UBXN4: variants seen among roughly 807,000 people sequenced by gnomAD.
UBXN4 encodes the protein UBX domain-containing protein 4.
UBXN4 carries 35 observed loss-of-function variants against 66.2 expected under a neutral mutation model. The observed-to-expected ratio is 0.53, with a 90% CI of 0.40 to 0.70. UBXN4 has a LOEUF of 0.70. Ranked by LOEUF, UBXN4 falls within the 30% of genes least tolerant of loss-of-function variation. UBXN4 has a pLI of 0.00. For synonymous variants in UBXN4, 203 were observed against 204.5 expected (o/e 0.99, Z 0.06); for missense variants, 533 against 599.8 (o/e 0.89, Z 1.16).
At chr2:135,755,282 A>G (rs2077272647) in intron 4 of UBXN4, among the ~76,000 whole-genome samples, 1 of 152,174 alleles carries the variant, frequency 6.6e-6, no homozygotes, top group Non-Finnish European at 1.5e-5. Context: ...TTCTAATTTG[A>G]GGGAAAATCA....
intron 10 of UBXN4, 74 bp from the exon 11 acceptor site, chr2:135,778,870 AAAGC>A: frequency 7.2e-7 from 1 of 1,382,802 alleles, no homozygotes; most frequent in Non-Finnish European, 9.6e-7. Flanking sequence ...AATGTTAATT[AAAGC>A]ATCATTTTGG....
At chr2:135,763,921 T>TC in intron 6 of UBXN4, among the ~76,000 whole-genome samples, 1 of 151,880 alleles carries the variant, frequency 6.6e-6, no homozygotes, top group East Asian at 1.9e-4. Flanking sequence ...GGCCGGGAGT[T>TC]CAAGACCAGC....
chr2:135,750,010 C>T (rs2077232346), intron 2 of UBXN4, among the ~76,000 whole-genome samples: 1 of 152,170 alleles, frequency 6.6e-6, no homozygotes, highest in Admixed American at 6.5e-5. Context: ...AGGTTTGTTT[C>T]CCCTCCCCTC....
chr2:135,756,556 A>G (rs1339722362), intron 5 of UBXN4, among the ~76,000 whole-genome samples: 2 of 152,216 alleles, frequency 1.3e-5, no homozygotes, highest in Non-Finnish European at 2.9e-5. Context: ...GAGGTTTTAC[A>G]TCGGATGGAT....
intron 6 of UBXN4, among the ~76,000 whole-genome samples, chr2:135,764,675 A>G (rs1406393124): frequency 6.6e-6 from 1 of 151,720 alleles, no homozygotes; most frequent in Non-Finnish European, 1.5e-5. Context: ...GCTAATTTTT[A>G]AAATATTTTT....
chr2:135,749,357 A>C (rs6430585), intron 2 of UBXN4, among the ~76,000 whole-genome samples: 112,603 of 152,108 alleles, frequency 0.74, 42,156 homozygotes, highest in Non-Finnish European at 0.79. Flanking sequence ...AGGTTCCTCA[A>C]AGTACCTGAT....
intron 9 of UBXN4, among the ~76,000 whole-genome samples, chr2:135,773,841 T>C (rs551052868): frequency 1.3e-3 from 197 of 152,304 alleles, no homozygotes; most frequent in South Asian, 2.7e-3. Flanking sequence ...ATGTAAGATT[T>C]GTGTGCTAAA....
chr2:135,780,221 C>G lies in UBXN4; in HGVS notation c.1224C>G (p.Ser408Arg). The G allele has an allele frequency of 6.2e-7, 1 of 1,614,056 alleles. No individual in the cohort carries two copies. Among genetic ancestry groups the G allele is most frequent in the South Asian group, 1.1e-5 (1 of 91,078 alleles). Residue 408 changes from serine to arginine, a missense_variant, in exon 12 of 13, where the codon AGC (serine) becomes AGG (arginine). Ser to Arg is a moderately radical substitution (Grantham distance 110). Coordinates refer to ENST00000272638, the MANE Select transcript of UBXN4 (RefSeq NM_014607.4). ...CTGCATCCATTGTACACTCTTCCAG[C>G]GGAGACATTTGGACCTTGTTGGGAA... ...RPTASIVHSS[S>R]GDIWTLLGTV...
rs1427704117 is a variant in UBXN4 at position 135,783,262 on chromosome 2, CTGAG to C, written c.*377_*380del. On this transcript the variant is annotated 3_prime_UTR_variant, in exon 13 of 13. Coordinates refer to ENST00000272638, the MANE Select transcript of UBXN4 (RefSeq NM_014607.4). ...TAAGCCCAAAGTAACTGGTATGTCACTGAGTAACTTGACTCGGTGTCAGAGCATT... is the reference window on the plus strand; with the variant it reads ...TAAGCCCAAAGTAACTGGTATGTCACTAACTTGACTCGGTGTCAGAGCATT... 3 of 156,302 alleles carry C rather than the reference CTGAG, an allele frequency of 1.9e-5. No individual in the cohort carries two copies. Among genetic ancestry groups the C allele is most frequent in the Middle Eastern group, 2.9e-3 (1 of 340 alleles). The allele number at this position is 156,302 out of a possible 1,614,324, so 9.7% of individuals were successfully genotyped here.
chr2:135,742,905 A>G (rs73958618), intron 1 of UBXN4, among the ~76,000 whole-genome samples: 34,986 of 152,000 alleles, frequency 0.23, 4,418 homozygotes, highest in Middle Eastern at 0.57. Flanking sequence ...CACGACTTTG[A>G]GAACGTTTAT....
At chr2:135,762,646 G>A (rs541200135) in intron 6 of UBXN4, among the ~76,000 whole-genome samples, 2 of 151,582 alleles carry the variant, frequency 1.3e-5, no homozygotes, top group African/African-American at 4.9e-5. Flanking sequence ...ACTCAGTAAA[G>A]ATCAGCTTCT....
intron 1 of UBXN4, among the ~76,000 whole-genome samples, chr2:135,743,267 C>T (rs981375996): frequency 6.6e-6 from 1 of 152,026 alleles, no homozygotes; most frequent in African/African-American, 2.4e-5. Flanking sequence ...ATTAGAAGAG[C>T]TTGAATAGTT....
At chr2:135,767,002 A>C in intron 6 of UBXN4, among the ~76,000 whole-genome samples, 1 of 150,490 alleles carries the variant, frequency 6.6e-6, no homozygotes, top group African/African-American at 2.5e-5. Context: ...CCATCTGCCC[A>C]CCCCCGCCCC....
intron 1 of UBXN4, among the ~76,000 whole-genome samples, chr2:135,744,113 C>CT (rs2077193392): frequency 6.6e-6 from 1 of 152,174 alleles, no homozygotes; most frequent in Non-Finnish European, 1.5e-5. Flanking sequence ...AACCAAAACA[C>CT]TTACAGATTG....
In UBXN4 at chr2:135,754,206, A is replaced by G; in HGVS notation, c.262A>G (p.Ile88Val). 1 of 1,614,188 alleles carries G rather than the reference A, an allele frequency of 6.2e-7. No homozygotes were observed. Reference protein sequence around the residue: ...PSSFFIGDSGIPLEVIAGSVS... With the variant: ...PSSFFIGDSGVPLEVIAGSVS... ...CAGTTTCTTTATTGGAGACAGTGGA[A>G]TTCCCTTGGAAGTAATAGCAGGAAG... Residue 88 changes from isoleucine (I) to valine (V), a missense_variant, in exon 4 of 13, where the codon ATT becomes GTT. By Grantham distance (29) the Ile-to-Val change is conservative (BLOSUM62 3). Coordinates refer to ENST00000272638, the MANE Select transcript of UBXN4 (RefSeq NM_014607.4).
Position 135,770,706 on chromosome 2 carries a change from C to A in UBXN4, c.793C>A (p.Arg265=). 1 of 1,552,600 alleles carries A rather than the reference C, an allele frequency of 6.4e-7. No homozygotes were observed. Among genetic ancestry groups the A allele is most frequent in the Non-Finnish European group, 8.6e-7 (1 of 1,160,404 alleles). ...AGAGAAAGCAGAAGATAGGGCAGCT[C>A]GAGAACGTATAAAACAGCAGATTGC... ...NREKAEDRAA[R]ERIKQQIALD... The change falls in exon 8 of 13, where the codon CGA becomes AGA. Residue 265 remains arginine (R), a synonymous_variant. Coordinates refer to ENST00000272638, the MANE Select transcript of UBXN4 (RefSeq NM_014607.4).
chr2:135,760,503 G>A (rs954508708), intron 5 of UBXN4, among the ~76,000 whole-genome samples: 8 of 151,862 alleles, frequency 5.3e-5, no homozygotes, highest in Non-Finnish European at 1.0e-4. Flanking sequence ...AGAGAACTCT[G>A]TGACATACAA....
chr2:135,766,167 A>G (rs929525803), intron 6 of UBXN4, among the ~76,000 whole-genome samples: 2 of 151,966 alleles, frequency 1.3e-5, no homozygotes, highest in African/African-American at 4.8e-5. Context: ...AAAAAAAAAA[A>G]GTCGAAGCCC....
chr2:135,766,388 A>G (rs934102148), intron 6 of UBXN4, among the ~76,000 whole-genome samples: 38 of 152,234 alleles, frequency 2.5e-4, no homozygotes, highest in African/African-American at 8.7e-4. Context: ...CAATTGATAC[A>G]GTAAGATTAT....
Sources: allele counts gnomAD v4.1 joint callset (sites outside exome capture counted in the v4.1 genomes callset), GRCh38; gene constraint gnomAD v4.1.1; transcripts MANE v1.5; gene names NCBI Gene and HGNC (gene_info 2026-07-23, HGNC 2026-07-21).